Variants in ATP7A observed in about 807,000 individuals in gnomAD.
ATP7A encodes ATPase copper transporting alpha, also known as copper-transporting ATPase 1.
ATP7A carries 7 observed loss-of-function variants against 83.5 expected under a neutral mutation model. The observed-to-expected ratio is 0.08, with a 90% confidence interval of 0.05 to 0.16. The LOEUF (loss-of-function observed/expected upper bound fraction) is 0.16. Ranked by LOEUF, ATP7A falls within the 10% of genes least tolerant of loss-of-function variation. The pLI, the probability that ATP7A is intolerant of heterozygous loss-of-function variation, is 1.00. For synonymous variants in ATP7A, 354 were observed against 395.2 expected (o/e 0.90, Z 1.24); for missense variants, 940 against 1,120.8 (o/e 0.84, Z 2.30).
At chrX:77,977,105 CA>C (rs2149076806) in intron 2 of ATP7A, among the ~76,000 whole-genome samples, 1 of 112,074 alleles carries the variant, frequency 8.9e-6, no homozygotes, top group South Asian at 3.7e-4. Flanking sequence ...CATATCTATG[CA>C]AAAGTTAGGC....
chrX:78,023,112 G>A (rs1298536195), intron 14 of ATP7A, among the ~76,000 whole-genome samples: 1 of 111,868 alleles, frequency 8.9e-6, no homozygotes. Context: ...GCTACTCAAA[G>A]GACATGATTT....
intron 1 of ATP7A, among the ~76,000 whole-genome samples, chrX:77,932,090 C>T (rs1315658148): frequency 3.6e-5 from 4 of 110,279 alleles, no homozygotes; most frequent in Admixed American, 9.4e-5. Flanking sequence ...CGGGCGGAGA[C>T]GCTCCTCACT....
chrX:77,950,649 G>A (rs1189220558), intron 1 of ATP7A, among the ~76,000 whole-genome samples: 1 of 110,660 alleles, frequency 9.0e-6, no homozygotes, highest in African/African-American at 3.3e-5. Context: ...ATGTGTATTG[G>A]CATTTTGGTT....
intron 1 of ATP7A, among the ~76,000 whole-genome samples, chrX:77,960,916 G>A (rs1181213501): frequency 4.5e-5 from 5 of 111,327 alleles, no homozygotes; most frequent in African/African-American, 1.6e-4. Flanking sequence ...AAATGCAGTA[G>A]GATGTTACAA....
chrX:77,916,666 C>T (rs1194128166), intron 1 of ATP7A, among the ~76,000 whole-genome samples: 1 of 111,303 alleles, frequency 9.0e-6, no homozygotes, highest in African/African-American at 3.3e-5. Context: ...AGGGAAAAGG[C>T]CTTATGTATG....
At chrX:77,968,315 T>A (rs1224029522) in intron 1 of ATP7A, among the ~76,000 whole-genome samples, 2 of 112,342 alleles carry the variant, frequency 1.8e-5, no homozygotes, top group Admixed American at 9.5e-5. Flanking sequence ...TATACTTTTT[T>A]AATAAAAGTA....
chrX:77,919,104 ATAAAT>A (rs1436317070), intron 1 of ATP7A, among the ~76,000 whole-genome samples: 4 of 112,377 alleles, frequency 3.6e-5, no homozygotes, highest in Non-Finnish European at 5.6e-5. Flanking sequence ...CAAAAACTTC[ATAAAT>A]TAAAGAATAC....
chrX:78,033,759 T>C lies in ATP7A; in HGVS notation c.3449T>C (p.Ile1150Thr), dbSNP rs201225704. 63 of 1,209,407 alleles carry C rather than the reference T, an allele frequency of 5.2e-5. No homozygotes were observed. Among genetic ancestry groups the C allele is most frequent in the African/African-American group, 4.5e-4 (26 of 57,196 alleles). Residue 1150 changes from isoleucine (I) to threonine (T), a missense_variant, in exon 17 of 23, where the codon ATT becomes ACT. Physicochemically the swap from Ile to Thr is moderately conservative, Grantham distance 89 (BLOSUM62 -1). Coordinates refer to ENST00000341514, the MANE Select transcript of ATP7A (RefSeq NM_000052.7). ...NNIKNASLVQ[I>T]DASNEQSSTS... The stretch of plus-strand genomic sequence containing the variant: ...ATTAAAAATGCATCCCTGGTTCAAA[T>C]TGATGCCAGTAATGAACAGTCATCA...
chrX:77,917,304 A>C (rs2149039884), intron 1 of ATP7A, among the ~76,000 whole-genome samples: 1 of 111,843 alleles, frequency 8.9e-6, no homozygotes, highest in Admixed American at 9.6e-5. Flanking sequence ...GAACTATTTA[A>C]GTCTGTCTAA....
At chrX:78,005,973 T>TA (rs1423433464) in intron 6 of ATP7A, among the ~76,000 whole-genome samples, 4 of 111,650 alleles carry the variant, frequency 3.6e-5, no homozygotes, top group Non-Finnish European at 7.5e-5. Context: ...TTTTCTATGA[T>TA]AAAGGATATG....
At chrX:77,992,984 A>G (rs2077678956) in intron 4 of ATP7A, among the ~76,000 whole-genome samples, 1 of 112,531 alleles carries the variant, frequency 8.9e-6, no homozygotes, top group Non-Finnish European at 1.9e-5. Flanking sequence ...TCACTACTTC[A>G]TAATGTTGGA....
chrX:77,912,376 G>A (rs1004227911), intron 1 of ATP7A, among the ~76,000 whole-genome samples: 15 of 111,489 alleles, frequency 1.3e-4, no homozygotes, highest in Non-Finnish European at 1.1e-4. Context: ...GAAATAATGT[G>A]AGCAAAGCCA....
intron 1 of ATP7A, among the ~76,000 whole-genome samples, chrX:77,922,464 T>C (rs2077221324): frequency 9.0e-6 from 1 of 111,112 alleles, no homozygotes; most frequent in African/African-American, 3.3e-5. Flanking sequence ...TACTGTGCCA[T>C]TGCACTCCAG....
chrX:77,980,978 A>T (rs781809666), intron 2 of ATP7A, among the ~76,000 whole-genome samples: 1 of 112,662 alleles, frequency 8.9e-6, no homozygotes, highest in East Asian at 2.8e-4. Flanking sequence ...AAAGCTATTT[A>T]CATGTACATA....
intron 16 of ATP7A, 65 bp from the exon 17 acceptor site, chrX:78,033,540 C>G: frequency 9.4e-7 from 1 of 1,067,434 alleles, no homozygotes; most frequent in Non-Finnish European, 1.3e-6. Context: ...GGGTTTTTAT[C>G]TTGCTAATGA....
intron 6 of ATP7A, among the ~76,000 whole-genome samples, chrX:78,006,481 T>C (rs1284016234): frequency 8.9e-6 from 1 of 112,188 alleles, no homozygotes; most frequent in Non-Finnish European, 1.9e-5. Context: ...TAAAAAATAA[T>C]AGCTTTTTTG....
intron 1 of ATP7A, chrX:77,962,919 G>A (rs1228011597): frequency 6.2e-6 from 2 of 321,917 alleles, no homozygotes; most frequent in East Asian, 1.8e-4. Flanking sequence ...CTCTTTGATA[G>A]TGACTGTGTA....
chrX:77,913,234 A>C (rs926889171), intron 1 of ATP7A, among the ~76,000 whole-genome samples: 8 of 112,243 alleles, frequency 7.1e-5, no homozygotes, highest in African/African-American at 2.6e-4. Context: ...AGTAAATTGC[A>C]AGGAGAGATT....
chrX:77,955,508 AATT>A (rs1268949227), intron 1 of ATP7A, among the ~76,000 whole-genome samples: 1 of 111,715 alleles, frequency 9.0e-6, no homozygotes, highest in African/African-American at 3.2e-5. Context: ...TTGTTTTTAA[AATT>A]ATTTTGTGGC....
Sources: allele counts gnomAD v4.1 joint callset (sites outside exome capture counted in the v4.1 genomes callset), GRCh38; gene constraint gnomAD v4.1.1; transcripts MANE v1.5; gene names NCBI Gene and HGNC (gene_info 2026-07-23, HGNC 2026-07-21).